The following MIP variants were observed in gnomAD, a reference collection of about 807,000 sequenced individuals.
MIP encodes major intrinsic protein of lens fiber.
A neutral mutation model predicts 21.8 loss-of-function variants in MIP; 14 were observed. The ratio of observed to expected loss-of-function variants is 0.64; its 90% CI spans 0.42 to 1.00. The LOEUF (loss-of-function observed/expected upper bound fraction) is 1.00. Among genes scored for constraint, MIP ranks in the 50% least tolerant of loss-of-function variants. MIP has a pLI of 0.00. For missense variants in MIP, 260 were observed against 333.5 expected (o/e 0.78, Z 1.72); for synonymous variants, 133 against 141.4 (o/e 0.94, Z 0.42).
chr12:56,456,553 G>A (rs1028825188), upstream of MIP, among the ~76,000 whole-genome samples: 20 of 150,314 alleles, frequency 1.3e-4, 1 homozygote, highest in East Asian at 3.7e-3. Flanking sequence ...CAGGAGAATC[G>A]TTGGAACCCG....
upstream of MIP, among the ~76,000 whole-genome samples, chr12:56,455,623 A>G (rs2638328): frequency 0.96 from 146,738 of 152,214 alleles, 70,966 homozygotes; most frequent in East Asian, 1. Context: ...AGCCGATCAA[A>G]GAGAGGGAAA....
chr12:56,454,702 C>T, upstream of MIP: 3 of 1,550,316 alleles, frequency 1.9e-6, no homozygotes, highest in Non-Finnish European at 2.6e-6. Flanking sequence ...GACTCTTAAT[C>T]CCTGGGAGGG....
intron 2 of MIP, 63 bp from the exon 3 acceptor site, chr12:56,453,215 A>C: frequency 3.4e-6 from 4 of 1,187,002 alleles, no homozygotes; most frequent in Non-Finnish European, 5.0e-6. Context: ...TCTCCCCACA[A>C]CCCACATTGC....
upstream of MIP, among the ~76,000 whole-genome samples, chr12:56,455,662 GA>G (rs1353014166): frequency 2.0e-5 from 3 of 152,198 alleles, no homozygotes; most frequent in African/African-American, 4.8e-5. Context: ...AAAGTTTGGG[GA>G]AAGAGGTTCA....
rs1354808729 is a variant in MIP at position 56,450,581 on chromosome 12, T to A, written c.*699A>T. ...GGATGTAGACAGGTTTACGTGGCTT[T>A]ACAGAACAGCTAAATCCTAGTGTTC... On this transcript the variant is annotated 3_prime_UTR_variant, in exon 4 of 4. Coordinates refer to ENST00000652304, the MANE Select transcript of MIP (RefSeq NM_012064.4). 1 of 152,664 alleles carries A rather than the reference T, an allele frequency of 6.6e-6. No individual in the cohort carries two copies. Among genetic ancestry groups the A allele is most frequent in the East Asian group, 1.9e-4 (1 of 5,202 alleles). 9.5% of individuals were successfully genotyped at this position (152,664 alleles called of 1,614,324 possible).
rs572877253 is a variant in MIP at position 56,451,287 on chromosome 12, G to T, written c.785C>A (p.Ala262Asp). ...TGEPVELNTQAL is the reference protein window; with the variant it reads ...TGEPVELNTQDL ...TCTATTCAGCTGGAGCTTCTACAGGGCCTGGGTGTTCAGTTCAACAGGTTC... is the reference window on the plus strand; with the variant it reads ...TCTATTCAGCTGGAGCTTCTACAGGTCCTGGGTGTTCAGTTCAACAGGTTC... The change falls in exon 4 of 4, where the codon GCC (alanine) becomes GAC (aspartate). Residue 262 changes from alanine to aspartate, a missense_variant. Coordinates refer to ENST00000652304, the MANE Select transcript of MIP (RefSeq NM_012064.4). 2.1e-5 allele frequency: 34 copies of T among 1,613,458 alleles called. 1 individual carries two copies. In the South Asian group the frequency reaches 3.6e-4, roughly 17 times the overall value.
At chr12:56,453,528 A>C in intron 2 of MIP, 63 bp downstream of exon 2, 2 of 1,583,170 alleles carry the variant, frequency 1.3e-6, no homozygotes, top group Non-Finnish European at 1.7e-6. Flanking sequence ...AACCCTTAAA[A>C]GTTGGGAAAG....
chr12:56,449,919 T>C lies in MIP; in HGVS notation c.*1361A>G, dbSNP rs1294533940. 1 of 152,142 alleles carries C rather than the reference T, an allele frequency of 6.6e-6. No individual in the cohort carries two copies. Among genetic ancestry groups the C allele is most frequent in the Non-Finnish European group, 1.5e-5 (1 of 68,062 alleles). 9.4% of individuals were successfully genotyped at this position (152,142 alleles called of 1,614,324 possible). A position where few individuals can be genotyped will look rare whatever the true frequency, so the allele number is the denominator to read the frequency against. On this transcript the variant is annotated 3_prime_UTR_variant, in exon 4 of 4. Coordinates refer to ENST00000652304, the MANE Select transcript of MIP (RefSeq NM_012064.4). ...TGCTCTGGCCCCCTGTAATCCCAGCTACTGGGGAGGCTGAAGCAGGAAGAT... is the reference window on the plus strand; with the variant it reads ...TGCTCTGGCCCCCTGTAATCCCAGCCACTGGGGAGGCTGAAGCAGGAAGAT...
Position 56,454,302 on chromosome 12 carries a change from C to T in MIP, c.312G>A (p.Leu104=), listed in dbSNP as rs1399839124. 1.2e-6 allele frequency: 2 copies of T among 1,614,104 alleles called. No homozygotes were observed. The highest frequency in any genetic ancestry group is 1.7e-6 in the Non-Finnish European group (2 of 1,180,024). ...LLGAVAGAAV[L]YSVTPPAVRG... ...GGACAGCAGGTGGGGTAACGCTATA[C>T]AGCACAGCGGCCCCAGCCACAGCTC... The change falls in exon 1 of 4, where the codon CTG becomes CTA. Residue 104 remains leucine (L), a synonymous_variant. Coordinates refer to ENST00000652304, the MANE Select transcript of MIP (RefSeq NM_012064.4).
intron 3 of MIP, 121 bp downstream of exon 3, chr12:56,452,951 T>G: frequency 1.3e-6 from 1 of 778,100 alleles, no homozygotes; most frequent in South Asian, 1.4e-5. Flanking sequence ...GACAGCCCCC[T>G]TAGCTGAGTG....
chr12:56,456,068 T>C (rs1470789229), upstream of MIP, among the ~76,000 whole-genome samples: 1 of 152,136 alleles, frequency 6.6e-6, no homozygotes, highest in Non-Finnish European at 1.5e-5. Context: ...CTCAATTACA[T>C]AGAAGAGAAA....
chr12:56,454,222 A>T, intron 1 of MIP, 32 bp downstream of exon 1: 2 of 1,613,834 alleles, frequency 1.2e-6, no homozygotes, highest in Non-Finnish European at 1.7e-6. Context: ...ACAGGACACC[A>T]GGTTCCCCAT....
At position 56,454,488 on chromosome 12, in the gene MIP, C is replaced by A; in HGVS notation, c.126G>T (p.Leu42=). The A allele has an allele frequency of 6.2e-7, 1 of 1,612,724 alleles. No individual in the cohort carries two copies. The highest frequency in any genetic ancestry group is 8.5e-7 in the Non-Finnish European group (1 of 1,179,006). ...LRWAPGPLHV[L]QVAMAFGLAL... ...CCAAGCCAAATGCCATAGCCACCTG[C>A]AGAACATGCAGGGGTCCAGGAGCCC... The change falls in exon 1 of 4, where the codon CTG becomes CTT. Residue 42 remains leucine, a synonymous_variant. Coordinates refer to ENST00000652304, the MANE Select transcript of MIP (RefSeq NM_012064.4).
rs759746926 is a variant in MIP at position 56,453,118 on chromosome 12, C to T, written c.560G>A (p.Arg187His). ...YYTGAGMNPA[R>H]SFAPAILTGN... Reference sequence around the variant, plus strand: ...AGTGAGAATGGCAGGAGCAAAGGAGCGGGCAGGATTCATGCCTGCACCAGT... The same window carrying T: ...AGTGAGAATGGCAGGAGCAAAGGAGTGGGCAGGATTCATGCCTGCACCAGT... The change falls in exon 3 of 4, where the codon CGC becomes CAC. Residue 187 changes from arginine to histidine, a missense_variant. Coordinates refer to ENST00000652304, the MANE Select transcript of MIP (RefSeq NM_012064.4). 2.5e-6 allele frequency: 4 copies of T among 1,613,562 alleles called. No homozygotes were observed. Among genetic ancestry groups the T allele is most frequent in the Admixed American group, 3.3e-5 (2 of 60,010 alleles).
At chr12:56,453,852 T>C (rs562473705) in intron 1 of MIP, 97 bp from the exon 2 acceptor site, 2 of 1,263,294 alleles carry the variant, frequency 1.6e-6, no homozygotes, top group Admixed American at 3.9e-5. Flanking sequence ...CGGCATCAGG[T>C]CCGTGGAGAG....
chr12:56,453,799 A>G (rs1565694545), intron 1 of MIP, 44 bp from the exon 2 acceptor site: 1 of 1,591,408 alleles, frequency 6.3e-7, no homozygotes, highest in Non-Finnish European at 8.6e-7. Context: ...GAGGGCTGCC[A>G]CAGTGTTACC....
At chr12:56,456,375 G>T (rs747592821), upstream of MIP, among the ~76,000 whole-genome samples, 1 of 152,184 alleles carries the variant, frequency 6.6e-6, no homozygotes, top group East Asian at 1.9e-4. Context: ...GGTGGCTCAC[G>T]CCTGTAATCT....
Position 56,450,563 on chromosome 12 carries a change from G to C in MIP, c.*717C>G, listed in dbSNP as rs1868562706. The C allele has an allele frequency of 6.6e-6, 1 of 152,406 alleles. No homozygotes were observed. The allele number at this position is 152,406 out of a possible 1,614,324, so 9.4% of individuals were successfully genotyped here. On this transcript the variant is annotated 3_prime_UTR_variant, in exon 4 of 4. Coordinates refer to ENST00000652304, the MANE Select transcript of MIP (RefSeq NM_012064.4). ...TGAACACAACCAGCCAGCGGATGTA[G>C]ACAGGTTTACGTGGCTTTACAGAAC...
Position 56,454,300 on chromosome 12 carries a change from T to A in MIP, c.314A>T (p.Tyr105Phe). Residue 105 changes from tyrosine (Y) to phenylalanine (F), a missense_variant, in exon 1 of 4, where the codon TAT (tyrosine) becomes TTT (phenylalanine). Physicochemically the swap from Tyr to Phe is conservative, Grantham distance 22. Transcript: ENST00000652304. ...TCGGACAGCAGGTGGGGTAACGCTA[T>A]ACAGCACAGCGGCCCCAGCCACAGC... ...LGAVAGAAVLYSVTPPAVRGN... is the reference protein window; with the variant it reads ...LGAVAGAAVLFSVTPPAVRGN... 1 of 1,614,068 alleles carries A rather than the reference T, an allele frequency of 6.2e-7. No individual in the cohort carries two copies. The highest frequency in any genetic ancestry group is 8.5e-7 in the Non-Finnish European group (1 of 1,180,024).
Sources: allele counts gnomAD v4.1 joint callset (sites outside exome capture counted in the v4.1 genomes callset), GRCh38; gene constraint gnomAD v4.1.1; transcripts MANE v1.5; gene names NCBI Gene and HGNC (gene_info 2026-07-23, HGNC 2026-07-21).